Variants in KSR2 observed in about 807,000 individuals in gnomAD.
KSR2 encodes kinase suppressor of ras 2.
KSR2 carries 25 observed loss-of-function variants against 107.8 expected under a neutral mutation model. The observed-to-expected ratio is 0.23, with a 90% CI of 0.17 to 0.32. The LOEUF is 0.32. Ranked by LOEUF, KSR2 falls within the 10% of genes least tolerant of loss-of-function variation. The probability of loss-of-function intolerance (pLI) is 1.00; values close to 1 mark genes in which losing one functional copy is unlikely to be tolerated. For missense variants in KSR2, 887 were observed against 1,268.9 expected (o/e 0.70, Z 4.57); for synonymous variants, 480 against 507.0 (o/e 0.95, Z 0.71).
chr12:117,756,603 T>G (rs1565997625), intron 4 of KSR2, among the ~76,000 whole-genome samples: 2 of 152,240 alleles, frequency 1.3e-5, no homozygotes, highest in Non-Finnish European at 2.9e-5. Context: ...TACAAACAGA[T>G]TATGTGATTT....
At chr12:117,534,156 C>T (rs1013550845) in intron 10 of KSR2, among the ~76,000 whole-genome samples, 3 of 151,966 alleles carry the variant, frequency 2.0e-5, no homozygotes, top group Non-Finnish European at 2.9e-5. Context: ...CTCTGGAGCC[C>T]CCATGCCTAC....
intron 5 of KSR2, among the ~76,000 whole-genome samples, chr12:117,598,161 G>A (rs187760841): frequency 6.6e-5 from 10 of 152,160 alleles, no homozygotes; most frequent in African/African-American, 1.4e-4. Flanking sequence ...GGTCCCCAAC[G>A]TCCATTATAT....
intron 1 of KSR2, among the ~76,000 whole-genome samples, chr12:117,917,419 G>A (rs1029703880): frequency 3.9e-5 from 6 of 152,020 alleles, no homozygotes; most frequent in Non-Finnish European, 7.4e-5. Context: ...GTGCATGCCT[G>A]TAGTCCTAGC....
chr12:117,718,132 G>C (rs1349413091), intron 4 of KSR2, among the ~76,000 whole-genome samples: 1 of 152,178 alleles, frequency 6.6e-6, no homozygotes, highest in Non-Finnish European at 1.5e-5. Context: ...AAAAAATAAT[G>C]CATTCGAAAA....
At chr12:117,758,432 A>G (rs1888872839) in intron 4 of KSR2, among the ~76,000 whole-genome samples, 1 of 152,002 alleles carries the variant, frequency 6.6e-6, no homozygotes, top group Non-Finnish European at 1.5e-5. Context: ...GTCCCACGGC[A>G]TTTTCCACAT....
chr12:117,827,908 C>T (rs1036173374), intron 3 of KSR2, among the ~76,000 whole-genome samples: 7 of 152,156 alleles, frequency 4.6e-5, no homozygotes, highest in East Asian at 1.9e-4. Context: ...CCAGAGTCTG[C>T]GCTCATCACT....
At chr12:117,710,841 A>G (rs1886743565) in intron 4 of KSR2, among the ~76,000 whole-genome samples, 1 of 151,982 alleles carries the variant, frequency 6.6e-6, no homozygotes, top group South Asian at 2.1e-4. Flanking sequence ...CTCCCTCACC[A>G]TGTTTCATCC....
chr12:117,793,774 C>A (rs1260452139), intron 3 of KSR2, among the ~76,000 whole-genome samples: 2 of 145,814 alleles, frequency 1.4e-5, no homozygotes, highest in African/African-American at 5.2e-5. Context: ...ACACATGCAA[C>A]ATGCACACAC....
chr12:117,675,823 G>C (rs1885095357), intron 4 of KSR2, among the ~76,000 whole-genome samples: 1 of 152,192 alleles, frequency 6.6e-6, no homozygotes, highest in Non-Finnish European at 1.5e-5. Context: ...GCAGGGCTGG[G>C]AACAGACAAG....
intron 19 of KSR2, chr12:117,467,926 T>TG: frequency 6.3e-6 from 1 of 158,596 alleles, no homozygotes; most frequent in Non-Finnish European, 1.2e-5. Flanking sequence ...TGTGTTTTTT[T>TG]TTTTTTTTTC....
chr12:117,473,148 G>C (rs1044657678), intron 17 of KSR2, among the ~76,000 whole-genome samples: 2 of 152,058 alleles, frequency 1.3e-5, no homozygotes, highest in Non-Finnish European at 2.9e-5. Context: ...CACAATAAAG[G>C]CTCTTCCCAA....
At chr12:117,899,146 C>T (rs1040087309) in intron 1 of KSR2, among the ~76,000 whole-genome samples, 6 of 152,142 alleles carry the variant, frequency 3.9e-5, no homozygotes, top group African/African-American at 1.4e-4. Flanking sequence ...TCCAGCAACT[C>T]CCGCCCCACT....
chr12:117,849,274 T>C (rs1892831732), intron 3 of KSR2, among the ~76,000 whole-genome samples: 1 of 152,178 alleles, frequency 6.6e-6, no homozygotes, highest in Admixed American at 6.5e-5. Flanking sequence ...TACGTGATCA[T>C]TAAGACAATA....
chr12:117,570,004 CT>C (rs58314222), intron 7 of KSR2, among the ~76,000 whole-genome samples: 6,032 of 139,954 alleles, frequency 0.043, 216 homozygotes, highest in East Asian at 0.17. Context: ...TGTCTGCAGA[CT>C]TTTTTTTTTT....
intron 3 of KSR2, among the ~76,000 whole-genome samples, chr12:117,804,396 A>G (rs1459904759): frequency 6.6e-6 from 1 of 152,204 alleles, no homozygotes; most frequent in Non-Finnish European, 1.5e-5. Flanking sequence ...AGTCGTTTCA[A>G]CAAAGACCAT....
chr12:117,618,334 G>C (rs745622162), intron 5 of KSR2, among the ~76,000 whole-genome samples: 1 of 151,930 alleles, frequency 6.6e-6, no homozygotes, highest in Non-Finnish European at 1.5e-5. Flanking sequence ...CCTTCTGCTT[G>C]ATGGAACTTG....
At chr12:117,730,310 C>T (rs1887610396) in intron 4 of KSR2, among the ~76,000 whole-genome samples, 1 of 152,100 alleles carries the variant, frequency 6.6e-6, no homozygotes, top group Admixed American at 6.6e-5. Flanking sequence ...AAACCTACCT[C>T]GTGGGATGCT....
intron 4 of KSR2, among the ~76,000 whole-genome samples, chr12:117,681,768 A>G (rs1593125058): frequency 6.6e-6 from 1 of 152,336 alleles, no homozygotes; most frequent in African/African-American, 2.4e-5. Flanking sequence ...CACTTCTCCC[A>G]GCACCATTTG....
At chr12:117,782,639 T>C (rs555930956) in intron 3 of KSR2, among the ~76,000 whole-genome samples, 2 of 152,328 alleles carry the variant, frequency 1.3e-5, no homozygotes, top group South Asian at 4.1e-4. Context: ...CACCTCATTG[T>C]AATTCTCACA....
Sources: allele counts gnomAD v4.1 joint callset (sites outside exome capture counted in the v4.1 genomes callset), GRCh38; gene constraint gnomAD v4.1.1; transcripts MANE v1.5; gene names NCBI Gene and HGNC (gene_info 2026-07-23, HGNC 2026-07-21).